MACROD2: variants seen among roughly 807,000 people sequenced by gnomAD.
The protein encoded by MACROD2 is mono-ADP ribosylhydrolase 2, also known as ADP-ribose glycohydrolase MACROD2.
Under a neutral mutation model 70.4 loss-of-function variants are expected in MACROD2, and 36 were observed. The ratio of observed to expected loss-of-function variants is 0.51; its 90% CI spans 0.39 to 0.68. The LOEUF (loss-of-function observed/expected upper bound fraction) is 0.68. Among genes scored for constraint, MACROD2 ranks in the 30% least tolerant of loss-of-function variants. The pLI, the probability that MACROD2 is intolerant of heterozygous loss-of-function variation, is 0.00. For missense variants in MACROD2, 496 were observed against 538.4 expected (o/e 0.92, Z 0.78); for synonymous variants, 172 against 178.8 (o/e 0.96, Z 0.30).
chr20:16,041,321 G>A (rs1386671637), intron 16 of MACROD2, 43 bp downstream of exon 16: 10 of 1,506,564 alleles, frequency 6.6e-6, no homozygotes, highest in Middle Eastern at 1.8e-4. Context: ...CTACAAATCT[G>A]GCATATTTTC....
intron 5 of MACROD2, among the ~76,000 whole-genome samples, chr20:14,759,744 C>G (rs978552060): frequency 2.6e-5 from 4 of 152,002 alleles, no homozygotes; most frequent in African/African-American, 9.7e-5. Context: ...CGTAGATACG[C>G]AGGTTCTTGT....
chr20:14,535,306 C>T (rs1308815818), intron 4 of MACROD2, among the ~76,000 whole-genome samples: 1 of 151,940 alleles, frequency 6.6e-6, no homozygotes, highest in Non-Finnish European at 1.5e-5. Flanking sequence ...GAGTTCAAGA[C>T]CAGCCTGGCC....
intron 5 of MACROD2, among the ~76,000 whole-genome samples, chr20:15,055,283 T>A: frequency 6.6e-6 from 1 of 152,118 alleles, no homozygotes; most frequent in Non-Finnish European, 1.5e-5. Flanking sequence ...ATATATAATG[T>A]AAATTTTAAG....
At chr20:14,228,744 A>G (rs769687726) in intron 3 of MACROD2, among the ~76,000 whole-genome samples, 1 of 152,220 alleles carries the variant, frequency 6.6e-6, no homozygotes, top group Non-Finnish European at 1.5e-5. Flanking sequence ...GAGGTGGCTC[A>G]TGCCTGTAAT....
At chr20:14,473,711 TC>T (rs1429690219) in intron 3 of MACROD2, among the ~76,000 whole-genome samples, 1 of 152,236 alleles carries the variant, frequency 6.6e-6, no homozygotes, top group Non-Finnish European at 1.5e-5. Context: ...TTTAAATTTT[TC>T]AGAAACCTCC....
At chr20:14,183,494 G>A (rs1290535946) in intron 3 of MACROD2, among the ~76,000 whole-genome samples, 2 of 152,052 alleles carry the variant, frequency 1.3e-5, no homozygotes, top group East Asian at 3.9e-4. Context: ...AAACAGACAC[G>A]TGCATGTGTC....
At chr20:15,046,303 A>G (rs576471108) in intron 5 of MACROD2, among the ~76,000 whole-genome samples, 1 of 152,230 alleles carries the variant, frequency 6.6e-6, no homozygotes, top group Non-Finnish European at 1.5e-5. Context: ...TTCTAAAGCT[A>G]TAACTCTTAC....
intron 3 of MACROD2, among the ~76,000 whole-genome samples, chr20:14,153,001 G>T (rs1005811146): frequency 1.3e-5 from 2 of 152,110 alleles, no homozygotes; most frequent in African/African-American, 4.8e-5. Flanking sequence ...TGGGATGAAT[G>T]GGTAGTTATA....
rs188199324 is a variant in MACROD2 at position 14,208,258 on chromosome 20, T to C, written c.271+122530T>C. Among the ~76,000 whole-genome samples the C allele has an allele frequency of 2.0e-5, 3 of 152,280 alleles. No homozygotes were observed. The East Asian group carries it at 5.8e-4, about 29-fold the overall frequency. ...GGGTATATTGAATCATCTCCCTTTG[T>C]GGGGAGTGATTATATTGTTCTTGTA... On this transcript the variant is annotated intron_variant, in intron 3 of 17. Transcript: ENST00000684519.
chr20:14,554,973 A>G (rs1978928077), intron 4 of MACROD2, among the ~76,000 whole-genome samples: 2 of 151,772 alleles, frequency 1.3e-5, no homozygotes, highest in Non-Finnish European at 2.9e-5. Context: ...TCAAATATAT[A>G]GGTTAGAGGT....
At chr20:14,608,038 A>T (rs995243174) in intron 4 of MACROD2, among the ~76,000 whole-genome samples, 2 of 152,098 alleles carry the variant, frequency 1.3e-5, no homozygotes, top group African/African-American at 4.8e-5. Context: ...GGATCACCTG[A>T]GGTCAGGAGT....
At chr20:14,193,909 A>G (rs1169121227) in intron 3 of MACROD2, among the ~76,000 whole-genome samples, 1 of 152,208 alleles carries the variant, frequency 6.6e-6, no homozygotes, top group Non-Finnish European at 1.5e-5. Context: ...TCTCAGTCTT[A>G]TAATAGGGAA....
intron 5 of MACROD2, among the ~76,000 whole-genome samples, chr20:14,785,160 C>G (rs530536933): frequency 4.1e-4 from 62 of 151,870 alleles, no homozygotes; most frequent in African/African-American, 1.5e-3. Flanking sequence ...GTCAGTCTCT[C>G]ATGAACACAC....
chr20:15,460,455 G>A (rs1347850606), intron 7 of MACROD2, among the ~76,000 whole-genome samples: 1 of 152,046 alleles, frequency 6.6e-6, no homozygotes, highest in East Asian at 1.9e-4. Flanking sequence ...CAGCTCCTTG[G>A]GGACCTCTTT....
At chr20:15,046,068 C>T (rs1448443857) in intron 5 of MACROD2, among the ~76,000 whole-genome samples, 1 of 152,032 alleles carries the variant, frequency 6.6e-6, no homozygotes, top group African/African-American at 2.4e-5. Context: ...CAGTTAATTA[C>T]TTGAATAATG....
chr20:15,058,138 T>C (rs1388161706), intron 5 of MACROD2, among the ~76,000 whole-genome samples: 1 of 152,172 alleles, frequency 6.6e-6, no homozygotes, highest in Non-Finnish European at 1.5e-5. Flanking sequence ...CTTTCTACTT[T>C]CTTTTTATAC....
intron 3 of MACROD2, among the ~76,000 whole-genome samples, chr20:14,371,321 C>T (rs2122746447): frequency 6.6e-6 from 1 of 152,062 alleles, no homozygotes; most frequent in Middle Eastern, 3.4e-3. Context: ...CCCATCTCTA[C>T]AAGAAATTTT....
chr20:14,728,036 C>T (rs2071550672), intron 5 of MACROD2, among the ~76,000 whole-genome samples: 1 of 152,116 alleles, frequency 6.6e-6, no homozygotes. Flanking sequence ...AAACTAGAGC[C>T]ACAGAGAAAA....
intron 2 of MACROD2, among the ~76,000 whole-genome samples, chr20:14,077,894 C>CTTTTTTT (rs58677755): frequency 8.2e-4 from 99 of 120,466 alleles, no homozygotes; most frequent in Non-Finnish European, 9.0e-4. Flanking sequence ...AAAGGTTTTT[C>CTTTTTTT]TTTTTTTTTT....
Sources: allele counts gnomAD v4.1 joint callset (sites outside exome capture counted in the v4.1 genomes callset), GRCh38; gene constraint gnomAD v4.1.1; transcripts MANE v1.5; gene names NCBI Gene and HGNC (gene_info 2026-07-23, HGNC 2026-07-21).